FAM107B: variants seen among roughly 807,000 people sequenced by gnomAD.
FAM107B encodes family with sequence similarity 107 member B, also known as protein FAM107B.
In FAM107B, 21 loss-of-function variants were observed where a neutral mutation model predicts 31.5. The observed-to-expected ratio is 0.67, with a 90% CI of 0.47 to 0.96. The LOEUF is 0.96. Among genes scored for constraint, FAM107B ranks in the 40% least tolerant of loss-of-function variants. The pLI is 0.00. For synonymous variants in FAM107B, 157 were observed against 141.5 expected, an observed-to-expected ratio of 1.11 and a Z score of -0.78; for missense variants, 452 against 377.1, an observed-to-expected ratio of 1.20 and a Z score of -1.64.
intron 2 of FAM107B, among the ~76,000 whole-genome samples, chr10:14,578,155 T>A (rs1296212700): frequency 6.6e-6 from 1 of 152,186 alleles, no homozygotes; most frequent in Non-Finnish European, 1.5e-5. Context: ...CCAAGCAGAA[T>A]GAGCAACTAC....
chr10:14,547,587 C>T (rs561763811), intron 2 of FAM107B, among the ~76,000 whole-genome samples: 5 of 152,038 alleles, frequency 3.3e-5, no homozygotes, highest in South Asian at 4.1e-4. Flanking sequence ...TGAAATGCTC[C>T]GGTGAGCATT....
intron 2 of FAM107B, among the ~76,000 whole-genome samples, chr10:14,618,946 C>G (rs1852923269): frequency 6.6e-6 from 1 of 152,204 alleles, no homozygotes; most frequent in South Asian, 2.1e-4. Context: ...GACACAGAAA[C>G]AGACACGCAG....
chr10:14,593,272 T>C (rs1164371047), intron 2 of FAM107B, among the ~76,000 whole-genome samples: 1 of 152,186 alleles, frequency 6.6e-6, no homozygotes, highest in African/African-American at 2.4e-5. Flanking sequence ...AAAAACATAC[T>C]AAACGTGAAA....
intron 2 of FAM107B, among the ~76,000 whole-genome samples, chr10:14,610,965 A>T (rs2131390445): frequency 6.6e-6 from 1 of 152,356 alleles, no homozygotes; most frequent in South Asian, 2.1e-4. Flanking sequence ...TTCATTGTTC[A>T]CAATTTTAAA....
chr10:14,757,255 G>A (rs1304495803), intron 1 of FAM107B, among the ~76,000 whole-genome samples: 3 of 150,742 alleles, frequency 2.0e-5, no homozygotes, highest in Non-Finnish European at 4.4e-5. Context: ...TGCATCCTAT[G>A]TACCTAATAT....
rs34933623 is a variant in FAM107B, at chr10:14,557,291, C to T, written c.470-26776G>A. On this transcript the variant is annotated intron_variant, in intron 2 of 4. Coordinates refer to ENST00000181796, the MANE Select transcript of FAM107B (RefSeq NM_031453.4). Reference sequence around the variant, plus strand: ...CCAGGGCCATTTCTGGTTTGTACCTCGCTGGATCTTCAAGGCTAGGAATTC... The same window carrying T: ...CCAGGGCCATTTCTGGTTTGTACCTTGCTGGATCTTCAAGGCTAGGAATTC... Among the ~76,000 whole-genome samples the T allele has an allele frequency of 4.6e-5, 7 of 152,336 alleles. No individual in the cohort carries two copies. In the East Asian group the frequency reaches 9.6e-4, roughly 21 times the overall value.
intron 2 of FAM107B, among the ~76,000 whole-genome samples, chr10:14,550,713 C>T (rs1849177711): frequency 6.6e-6 from 1 of 152,234 alleles, no homozygotes; most frequent in Non-Finnish European, 1.5e-5. Flanking sequence ...AAGAACCCAG[C>T]ATCCTATCAG....
At chr10:14,721,179 CT>C (rs1386258748) in intron 1 of FAM107B, among the ~76,000 whole-genome samples, 1 of 152,088 alleles carries the variant, frequency 6.6e-6, no homozygotes, top group African/African-American at 2.4e-5. Context: ...TGAACTCATC[CT>C]TTTTTATGGC....
At chr10:14,758,070 G>A (rs1413169791) in intron 1 of FAM107B, among the ~76,000 whole-genome samples, 4 of 152,100 alleles carry the variant, frequency 2.6e-5, no homozygotes, top group Non-Finnish European at 4.4e-5. Flanking sequence ...TCTGTGCAGC[G>A]CTCATAAGCA....
At chr10:14,738,608 G>A (rs1479106418) in intron 1 of FAM107B, among the ~76,000 whole-genome samples, 1 of 152,190 alleles carries the variant, frequency 6.6e-6, no homozygotes, top group East Asian at 1.9e-4. Context: ...CCTAAAAAAG[G>A]AGGTTAGAGG....
chr10:14,616,459 C>T (rs1852852741), intron 2 of FAM107B, among the ~76,000 whole-genome samples: 1 of 152,100 alleles, frequency 6.6e-6, no homozygotes. Flanking sequence ...GTAATCACAC[C>T]AAGAAATGGA....
intron 2 of FAM107B, among the ~76,000 whole-genome samples, chr10:14,568,922 C>T (rs1467636409): frequency 6.6e-6 from 1 of 152,108 alleles, no homozygotes; most frequent in Admixed American, 6.5e-5. Flanking sequence ...AATGGCAACA[C>T]CAGGAGAGCT....
intron 2 of FAM107B, among the ~76,000 whole-genome samples, chr10:14,618,368 A>G (rs1242895666): frequency 2.0e-5 from 3 of 152,138 alleles, no homozygotes; most frequent in African/African-American, 7.2e-5. Context: ...AACATCTCAC[A>G]CAGGTCTGTG....
At chr10:14,718,399 GAAGAAAGAAAGAGGAAAGA>G (rs1347878349) in intron 1 of FAM107B, among the ~76,000 whole-genome samples, 9 of 146,746 alleles carry the variant, frequency 6.1e-5, no homozygotes, top group Admixed American at 1.4e-4. Flanking sequence ...GAAAGGAAAG[GAAGAAAGAAAGAGGAAAGA>G]AAGAAAGAAA....
rs189462065 is a variant in FAM107B, at chr10:14,537,089, G to A, written c.470-6574C>T. ...CCAGAAGCTGGCCCGAGTGAGGTGG[G>A]AACGACCAATAGGTGGCGACACCTC... On this transcript the variant is annotated intron_variant, in intron 2 of 4. Coordinates refer to ENST00000181796, the MANE Select transcript of FAM107B (RefSeq NM_031453.4). 4.5e-4 allele frequency among the ~76,000 whole-genome samples: 69 copies of A among 152,248 alleles called. No homozygotes were observed. The East Asian group carries it at 0.013, about 29-fold the overall frequency.
At chr10:14,650,549 G>C (rs1387133450) in intron 2 of FAM107B, among the ~76,000 whole-genome samples, 1 of 152,152 alleles carries the variant, frequency 6.6e-6, no homozygotes, top group Non-Finnish European at 1.5e-5. Flanking sequence ...GCCTCCCAAA[G>C]TGCTGGGATT....
In FAM107B at chr10:14,759,221, T is replaced by A. The variant is rs143183840; in HGVS notation, c.411+15032A>T. 5.9e-3 allele frequency among the ~76,000 whole-genome samples: 893 copies of A among 151,018 alleles called. 30 individuals are homozygous for A. The East Asian group carries it at 0.1, about 17-fold the overall frequency. Reference sequence around the variant, plus strand: ...ATAAATAAATAAATAAATAAATAAATAAAAAGCAGCAAAGGTCTGGGCTGC... The same window carrying A: ...ATAAATAAATAAATAAATAAATAAAAAAAAAGCAGCAAAGGTCTGGGCTGC... On this transcript the variant is annotated intron_variant, in intron 1 of 4. Transcript: ENST00000181796.
chr10:14,774,338 G>T lies in FAM107B; in HGVS notation c.326C>A (p.Pro109His), dbSNP rs758932546. The T allele has an allele frequency of 6.2e-7, 1 of 1,614,078 alleles. No individual in the cohort carries two copies. Among genetic ancestry groups the T allele is most frequent in the Non-Finnish European group, 8.5e-7 (1 of 1,180,044 alleles). The stretch of plus-strand genomic sequence containing the variant: ...GTCCGCCCCATCATCCAGGGACCCG[G>T]GCACATCTTCAGGCGTCTCCGCGGG... Reference protein sequence around the residue: ...AQPAETPEDVPGSLDDGADCE... With the variant: ...AQPAETPEDVHGSLDDGADCE... Residue 109 changes from proline (P) to histidine (H), a missense_variant, in exon 1 of 5, where the codon CCC becomes CAC. Coordinates refer to ENST00000181796, the MANE Select transcript of FAM107B (RefSeq NM_031453.4).
chr10:14,547,828 G>C (rs1167384230), intron 2 of FAM107B, among the ~76,000 whole-genome samples: 1 of 152,200 alleles, frequency 6.6e-6, no homozygotes, highest in African/African-American at 2.4e-5. Context: ...ATAATTAAAA[G>C]AATTTAAGTT....
Sources: gnomAD v4.1 joint callset for allele counts (sites outside exome capture counted in the v4.1 genomes callset) on GRCh38, gnomAD v4.1.1 for gene constraint, MANE v1.5 for transcripts, NCBI Gene and HGNC (gene_info 2026-07-23, HGNC 2026-07-21) for gene names.